CCDC141: variants seen among roughly 807,000 people sequenced by gnomAD.
CCDC141 encodes the protein coiled-coil domain-containing protein 141.
Under a neutral mutation model 181.0 loss-of-function variants are expected in CCDC141, and 168 were observed. That is an observed-to-expected ratio of 0.93 (90% confidence interval 0.82 to 1.05). The LOEUF (loss-of-function observed/expected upper bound fraction) is 1.05. Ranked by LOEUF, CCDC141 falls within the 50% of genes least tolerant of loss-of-function variation. The pLI, the probability that CCDC141 is intolerant of heterozygous loss-of-function variation, is 0.00. For synonymous variants in CCDC141, 666 were observed against 642.3 expected (o/e 1.04, Z -0.56); for missense variants, 1,902 against 1,788.5 (o/e 1.06, Z -1.14).
chr2:179,030,900 G>C (rs1372609549), intron 2 of CCDC141, among the ~76,000 whole-genome samples: 1 of 151,766 alleles, frequency 6.6e-6, no homozygotes, highest in East Asian at 1.9e-4. Flanking sequence ...TCGTTTTCAG[G>C]CTCTGTATGC....
chr2:178,815,536 A>G, the CCDC141 span, among the ~76,000 whole-genome samples: 1 of 151,982 alleles, frequency 6.6e-6, no homozygotes, highest in South Asian at 2.1e-4. Context: ...CTGCTGATAG[A>G]TTGTGATTTG....
At chr2:179,037,731 A>G (rs2043184032) in intron 2 of CCDC141, among the ~76,000 whole-genome samples, 1 of 152,264 alleles carries the variant, frequency 6.6e-6, no homozygotes, top group African/African-American at 2.4e-5. Context: ...ACACTGGCCA[A>G]TAAGCACATG....
At chr2:178,961,588 T>TA in intron 4 of CCDC141, 105 bp from the exon 5 acceptor site, 2 of 965,714 alleles carry the variant, frequency 2.1e-6, no homozygotes, top group Non-Finnish European at 3.0e-6. Context: ...TTTATGTTAA[T>TA]AAAAAACAAG....
chr2:179,045,025 TTTTAC>T (rs1412688095), intron 2 of CCDC141, among the ~76,000 whole-genome samples: 7 of 152,106 alleles, frequency 4.6e-5, no homozygotes, highest in East Asian at 1.9e-4. Context: ...TTTTTTATTA[TTTTAC>T]TTTAAGTTTT....
intron 2 of CCDC141, among the ~76,000 whole-genome samples, chr2:178,989,066 G>C (rs1382813940): frequency 6.6e-6 from 1 of 152,152 alleles, no homozygotes; most frequent in Non-Finnish European, 1.5e-5. Flanking sequence ...AATTTTGTAA[G>C]TAAATTTTCA....
intron 7 of CCDC141, among the ~76,000 whole-genome samples, chr2:178,908,970 T>A (rs997545860): frequency 6.6e-6 from 1 of 152,202 alleles, no homozygotes; most frequent in Non-Finnish European, 1.5e-5. Context: ...AAAAAGTGAC[T>A]GAGAAGAGCA....
At chr2:178,939,871 C>T (rs1689438727) in intron 6 of CCDC141, among the ~76,000 whole-genome samples, 1 of 152,122 alleles carries the variant, frequency 6.6e-6, no homozygotes, top group Non-Finnish European at 1.5e-5. Context: ...TAAATTAAAG[C>T]ACTGGCTTTC....
chr2:178,860,008 T>C (rs883894), intron 17 of CCDC141, among the ~76,000 whole-genome samples: 42,550 of 152,184 alleles, frequency 0.28, 7,329 homozygotes, highest in Non-Finnish European at 0.39. Context: ...CAGAAATGCA[T>C]TTAATGCATT....
chr2:178,993,708 C>T (rs574603331), intron 2 of CCDC141, among the ~76,000 whole-genome samples: 2 of 152,170 alleles, frequency 1.3e-5, no homozygotes, highest in African/African-American at 4.8e-5. Flanking sequence ...TCTAAAGTCT[C>T]ATCCAAGACA....
chr2:179,023,928 C>A (rs1397660467), intron 2 of CCDC141, among the ~76,000 whole-genome samples: 2 of 152,128 alleles, frequency 1.3e-5, no homozygotes, highest in Non-Finnish European at 2.9e-5. Flanking sequence ...ATTATACAGG[C>A]CATGCTTGTG....
intron 2 of CCDC141, among the ~76,000 whole-genome samples, chr2:179,036,794 G>A (rs2043157596): frequency 6.6e-6 from 1 of 152,186 alleles, no homozygotes; most frequent in Admixed American, 6.5e-5. Flanking sequence ...TACATACATA[G>A]AAGATGAGAA....
At chr2:178,904,014 A>T (rs1687840283) in intron 8 of CCDC141, among the ~76,000 whole-genome samples, 1 of 152,054 alleles carries the variant, frequency 6.6e-6, no homozygotes. Context: ...ACCCCATAGG[A>T]TCTTTTCTGT....
At chr2:178,952,845 T>C (rs1377738947) in intron 5 of CCDC141, among the ~76,000 whole-genome samples, 2 of 152,122 alleles carry the variant, frequency 1.3e-5, no homozygotes, top group African/African-American at 4.8e-5. Flanking sequence ...CCAGCCAATG[T>C]ATGAAAGCTG....
intron 5 of CCDC141, among the ~76,000 whole-genome samples, chr2:178,956,031 T>C (rs1481626418): frequency 6.6e-6 from 1 of 152,236 alleles, no homozygotes; most frequent in Non-Finnish European, 1.5e-5. Context: ...TAACAACTGC[T>C]AACACTAAGA....
Position 178,935,085 on chromosome 2 carries a change from C to T in CCDC141, c.897+9450G>A, listed in dbSNP as rs146518765. On this transcript the variant is annotated intron_variant, in intron 6 of 23. Transcript: ENST00000443758. ...GGAAACAAAACAATATTTTTGGAGT[C>T]GCTACTAAAATGTGGATACTTTCAC... 5.2e-3 allele frequency among the ~76,000 whole-genome samples: 790 copies of T among 152,088 alleles called. 7 individuals carry two copies. Among genetic ancestry groups the T allele is most frequent in the South Asian group, 0.038 (182 of 4,816 alleles).
intron 6 of CCDC141, among the ~76,000 whole-genome samples, chr2:178,934,922 A>G (rs976791584): frequency 6.6e-6 from 1 of 152,142 alleles, no homozygotes; most frequent in Non-Finnish European, 1.5e-5. Flanking sequence ...TCCACACCCA[A>G]ACAAAAGTCC....
At chr2:179,008,557 C>T (rs1191028022) in intron 2 of CCDC141, among the ~76,000 whole-genome samples, 2 of 152,124 alleles carry the variant, frequency 1.3e-5, no homozygotes, top group Non-Finnish European at 2.9e-5. Flanking sequence ...ATACAGATCC[C>T]CAGGTCCCAC....
chr2:179,030,104 A>G (rs924405363), intron 2 of CCDC141, among the ~76,000 whole-genome samples: 4 of 152,150 alleles, frequency 2.6e-5, no homozygotes, highest in Non-Finnish European at 5.9e-5. Flanking sequence ...ATTCTTAAAT[A>G]ACATATATAT....
At chr2:178,848,301 T>A (rs1243394501) in intron 21 of CCDC141, among the ~76,000 whole-genome samples, 1 of 152,150 alleles carries the variant, frequency 6.6e-6, no homozygotes, top group East Asian at 1.9e-4. Context: ...TTTGGAAAGG[T>A]GACCAGCTTC....
Sources: allele counts gnomAD v4.1 joint callset (sites outside exome capture counted in the v4.1 genomes callset), GRCh38; gene constraint gnomAD v4.1.1; transcripts MANE v1.5; gene names NCBI Gene and HGNC (gene_info 2026-07-23, HGNC 2026-07-21).